NLGN4X: variants seen among roughly 807,000 people sequenced by gnomAD.
The protein encoded by NLGN4X is neuroligin 4 X-linked, also known as neuroligin-4, X-linked.
A neutral mutation model predicts 40.3 loss-of-function variants in NLGN4X; 3 were observed. That is an observed-to-expected ratio of 0.07 (90% CI 0.03 to 0.19). The LOEUF is 0.19. NLGN4X is among the 10% of genes least tolerant of loss of function. The pLI is 1.00. For synonymous variants in NLGN4X, 270 were observed against 306.8 expected, an observed-to-expected ratio of 0.88 and a Z score of 1.25; for missense variants, 382 against 708.3, an observed-to-expected ratio of 0.54 and a Z score of 5.23.
chrX:5,969,798 G>C (rs1398383508), intron 3 of NLGN4X, among the ~76,000 whole-genome samples: 4 of 110,570 alleles, frequency 3.6e-5, no homozygotes, highest in African/African-American at 1.3e-4. Context: ...TGATAGACTG[G>C]ATTAAGAAAA....
intron 1 of NLGN4X, among the ~76,000 whole-genome samples, chrX:6,214,837 A>G (rs1465970650): frequency 1.8e-5 from 2 of 112,459 alleles, no homozygotes; most frequent in East Asian, 5.6e-4. Flanking sequence ...ACAATGCTTG[A>G]GACACAGCAA....
chrX:6,089,557 T>C (rs933465809), intron 2 of NLGN4X, among the ~76,000 whole-genome samples: 19 of 112,631 alleles, frequency 1.7e-4, no homozygotes, highest in Non-Finnish European at 3.2e-4. Flanking sequence ...ATCTTTTTCT[T>C]GCTTACATTA....
intron 2 of NLGN4X, among the ~76,000 whole-genome samples, chrX:6,052,128 C>A (rs974004671): frequency 1.8e-5 from 2 of 109,235 alleles, no homozygotes; most frequent in South Asian, 4.3e-4. Flanking sequence ...CCAAAATAAA[C>A]CAGATTCTGC....
intron 3 of NLGN4X, among the ~76,000 whole-genome samples, chrX:6,025,178 T>C (rs1262973945): frequency 8.9e-6 from 1 of 111,945 alleles, no homozygotes; most frequent in Middle Eastern, 4.6e-3. Flanking sequence ...AATTACTTTA[T>C]AGCTATAATG....
chrX:5,991,521 T>C, intron 3 of NLGN4X: 1 of 516,483 alleles, frequency 1.9e-6, no homozygotes, highest in South Asian at 2.5e-5. Context: ...GTGTGTTTTC[T>C]GCTGAGTGAG....
At chrX:6,095,008 C>T (rs1200563906) in intron 2 of NLGN4X, among the ~76,000 whole-genome samples, 1 of 109,260 alleles carries the variant, frequency 9.2e-6, no homozygotes, top group Non-Finnish European at 1.9e-5. Flanking sequence ...CAAATTTGCA[C>T]ATTGGAAATC....
At chrX:6,180,937 G>A (rs1921374731) in intron 1 of NLGN4X, among the ~76,000 whole-genome samples, 1 of 111,282 alleles carries the variant, frequency 9.0e-6, no homozygotes, top group Non-Finnish European at 1.9e-5. Context: ...GCCCTGCCCT[G>A]CTTTTTTCTT....
chrX:5,994,983 C>A (rs186854794), intron 3 of NLGN4X, among the ~76,000 whole-genome samples: 12 of 112,292 alleles, frequency 1.1e-4, no homozygotes, highest in Non-Finnish European at 1.7e-4. Context: ...TAGTCTTGCC[C>A]AATATTTTGG....
rs370043848 is a variant in NLGN4X, at chrX:6,160,600, G to A, written c.-305-8829C>T. Among the ~76,000 whole-genome samples the A allele has an allele frequency of 7.6e-5, 8 of 105,250 alleles. No homozygotes were observed. In the South Asian group the frequency reaches 1.7e-3, roughly 22 times the overall value. The allele number at this position is 105,250 out of a possible 115,157, so 91.4% of individuals were successfully genotyped here. On this transcript the variant is annotated intron_variant, in intron 1 of 5. Coordinates refer to ENST00000381095, the MANE Select transcript of NLGN4X (RefSeq NM_181332.3). ...GGCTGGAGTGCAGTGGTGAGATCTC[G>A]GCTCACTACAACTTCTGCCTCCCGG...
chrX:5,893,513 C>T lies in NLGN4X; in HGVS notation c.1755G>A (p.Thr585=), dbSNP rs1223422972. 20 of 1,204,761 alleles carry T rather than the reference C, an allele frequency of 1.7e-5. No homozygotes were observed. In the East Asian group the frequency reaches 5.3e-4, roughly 32 times the overall value. ...KPRVRDHYRA[T]KVAFWLELVP... Reference sequence around the variant, plus strand: ...CGAGTTCCAACCAGAAAGCCACTTTCGTTGCCCGGTAGTGATCTCTCACTC... The same window carrying T: ...CGAGTTCCAACCAGAAAGCCACTTTTGTTGCCCGGTAGTGATCTCTCACTC... The change falls in exon 6 of 6, where the codon ACG becomes ACA. Residue 585 remains threonine, a synonymous_variant. Transcript: ENST00000381095.
chrX:5,918,574 C>G (rs1397575148), intron 3 of NLGN4X, among the ~76,000 whole-genome samples: 1 of 112,266 alleles, frequency 8.9e-6, no homozygotes, highest in East Asian at 2.8e-4. Flanking sequence ...TGTATTGTAC[C>G]TTAAGCTACA....
chrX:6,171,094 G>A (rs5915652), intron 1 of NLGN4X, among the ~76,000 whole-genome samples: 3,228 of 112,225 alleles, frequency 0.029, 42 homozygotes, highest in Middle Eastern at 0.056. Flanking sequence ...AGAGTGCTGG[G>A]ATTACAGGCG....
chrX:6,195,094 G>A (rs112889153), intron 1 of NLGN4X, among the ~76,000 whole-genome samples: 77 of 111,863 alleles, frequency 6.9e-4, no homozygotes, highest in African/African-American at 2.4e-3. Flanking sequence ...CTATCAACCC[G>A]TCACCTAGGT....
chrX:5,968,421 C>T, intron 3 of NLGN4X, among the ~76,000 whole-genome samples: 1 of 66,271 alleles, frequency 1.5e-5, no homozygotes, highest in Non-Finnish European at 2.7e-5. Context: ...GTATGGCTGT[C>T]TTTGATTGTA....
chrX:6,195,675 C>A (rs745855001), intron 1 of NLGN4X, among the ~76,000 whole-genome samples: 44 of 111,859 alleles, frequency 3.9e-4, no homozygotes, highest in Middle Eastern at 4.6e-3. Context: ...GTTAAATTTA[C>A]AATTATCAAG....
At chrX:6,150,416 G>A (rs759747266) in intron 2 of NLGN4X, among the ~76,000 whole-genome samples, 2 of 111,867 alleles carry the variant, frequency 1.8e-5, no homozygotes, top group Non-Finnish European at 3.8e-5. Context: ...TGATTGCAGC[G>A]AATATTGGAA....
At chrX:6,102,189 C>T (rs1027536538) in intron 2 of NLGN4X, among the ~76,000 whole-genome samples, 51 of 111,641 alleles carry the variant, frequency 4.6e-4, no homozygotes, top group Middle Eastern at 4.6e-3. Flanking sequence ...AGGAGATGGA[C>T]ACCCCATTTT....
chrX:6,069,888 G>C (rs1279264130), intron 2 of NLGN4X, among the ~76,000 whole-genome samples: 1 of 111,677 alleles, frequency 9.0e-6, no homozygotes. Context: ...TATTGAATAT[G>C]ATTAGCCATT....
At chrX:6,176,272 T>C (rs1464399704) in intron 1 of NLGN4X, among the ~76,000 whole-genome samples, 2 of 112,503 alleles carry the variant, frequency 1.8e-5, no homozygotes, top group African/African-American at 6.5e-5. Context: ...CTAGCTTCCC[T>C]GTGTACACTC....
Sources: gnomAD v4.1 joint callset for allele counts (sites outside exome capture counted in the v4.1 genomes callset) on GRCh38, gnomAD v4.1.1 for gene constraint, MANE v1.5 for transcripts, NCBI Gene and HGNC (gene_info 2026-07-23, HGNC 2026-07-21) for gene names.